Variants in RAB6B observed in about 807,000 individuals in gnomAD.
RAB6B encodes RAB6B, member RAS oncogene family.
Under a neutral mutation model 31.2 loss-of-function variants are expected in RAB6B, and 7 were observed. The observed-to-expected ratio is 0.22, with a 90% CI of 0.13 to 0.42. The LOEUF is 0.42. Ranked by LOEUF, RAB6B falls within the 10% of genes least tolerant of loss-of-function variation. The pLI, the probability that RAB6B is intolerant of heterozygous loss-of-function variation, is 1.00. For synonymous variants in RAB6B, 105 were observed against 104.9 expected, an observed-to-expected ratio of 1.00 and a Z score of -0.01; for missense variants, 149 against 280.6, an observed-to-expected ratio of 0.53 and a Z score of 3.35.
At chr3:133,831,689 G>A (rs1229234056) in intron 7 of RAB6B, among the ~76,000 whole-genome samples, 3 of 152,186 alleles carry the variant, frequency 2.0e-5, no homozygotes, top group East Asian at 1.9e-4. Flanking sequence ...GGAAACTCAC[G>A]GTTTCTCACA....
At chr3:133,850,558 C>A (rs1290821037) in intron 2 of RAB6B, among the ~76,000 whole-genome samples, 1 of 151,532 alleles carries the variant, frequency 6.6e-6, no homozygotes, top group East Asian at 1.9e-4. Flanking sequence ...ACAACAGATT[C>A]AAAAAGAGAA....
intron 3 of RAB6B, 73 bp from the exon 4 acceptor site, chr3:133,841,463 G>C: frequency 1.3e-6 from 2 of 1,548,894 alleles, no homozygotes; most frequent in Non-Finnish European, 1.8e-6. Context: ...CCGGGGGACT[G>C]GGAGAGCCGG....
Position 133,851,780 on chromosome 3 carries a change from G to A in RAB6B, c.130-10117C>T, listed in dbSNP as rs537972669. Among the ~76,000 whole-genome samples the A allele has an allele frequency of 3.2e-4, 48 of 152,326 alleles. No homozygotes were observed. In the South Asian group the frequency reaches 8.9e-3, roughly 28 times the overall value. On this transcript the variant is annotated intron_variant, in intron 2 of 7. Coordinates refer to ENST00000285208, the MANE Select transcript of RAB6B (RefSeq NM_016577.4). ...GCCTGAGGTCCCATAGCAAGTCAGC[G>A]AGGTCACAGGAACTAATTTGCATCT...
At chr3:133,834,478 C>A in intron 7 of RAB6B, 97 bp downstream of exon 7, 1 of 1,333,756 alleles carries the variant, frequency 7.5e-7, no homozygotes. Context: ...GAAGGCTGGG[C>A]GGGGACTGGG....
In RAB6B at chr3:133,895,349, G is replaced by A. The variant is rs757436921; in HGVS notation, c.70+48C>T. 7 of 1,586,950 alleles carry A rather than the reference G, an allele frequency of 4.4e-6. No individual in the cohort carries two copies. The South Asian group carries it at 5.6e-5, about 13-fold the overall frequency. On this transcript the variant is annotated intron_variant, in intron 1 of 7. Transcript: ENST00000285208. ...TCCCAATGGGGTGGGCGATTGGGCG[G>A]CGGGGGTCGACTCGGCGACAAGCCA...
At chr3:133,837,553 C>T (rs959487652) in intron 6 of RAB6B, among the ~76,000 whole-genome samples, 9 of 152,170 alleles carry the variant, frequency 5.9e-5, no homozygotes, top group South Asian at 2.1e-4. Context: ...GTGCTACGGA[C>T]GGGTCAGTGG....
intron 5 of RAB6B, 41 bp downstream of exon 5, chr3:133,839,465 G>C (rs1935790021): frequency 6.6e-7 from 1 of 1,509,630 alleles, no homozygotes. Context: ...TTACAGAGGA[G>C]TGGAGGGTGG....
intron 6 of RAB6B, among the ~76,000 whole-genome samples, chr3:133,836,859 G>C (rs948829561): frequency 6.6e-6 from 1 of 152,180 alleles, no homozygotes; most frequent in African/African-American, 2.4e-5. Context: ...GGGGCCCCCA[G>C]TGTCACATAG....
rs1936699580 is a variant in RAB6B, at chr3:133,895,643, C to T, written c.-177G>A. 4 of 620,470 alleles carry T rather than the reference C, an allele frequency of 6.4e-6. No individual in the cohort carries two copies. The South Asian group carries it at 8.0e-5, about 12-fold the overall frequency. 38.4% of individuals were successfully genotyped at this position (620,470 alleles called of 1,614,324 possible). ...CGGTCCCGGCCTGCGGCTGCGTGTC[C>T]GGCGGCGGAGGAGGAGGAGGAGAGA... On this transcript the variant is annotated 5_prime_UTR_variant, in exon 1 of 8. Transcript: ENST00000285208.
chr3:133,877,719 G>C (rs1936415450), intron 1 of RAB6B, among the ~76,000 whole-genome samples: 3 of 149,436 alleles, frequency 2.0e-5, no homozygotes. Flanking sequence ...AGCAGATAAA[G>C]ATATTAAGAA....
intron 7 of RAB6B, among the ~76,000 whole-genome samples, chr3:133,831,600 G>A (rs949366039): frequency 2.0e-5 from 3 of 152,234 alleles, no homozygotes; most frequent in Admixed American, 6.5e-5. Context: ...CTGCTGAAAT[G>A]CAGTGCTCAG....
rs371606662 is a variant in RAB6B at position 133,876,451 on chromosome 3, TTCTC to T, written c.71-11813_71-11810del. 3.5e-3 allele frequency among the ~76,000 whole-genome samples: 531 copies of T among 152,290 alleles called. 2 individuals carry two copies. The highest frequency in any genetic ancestry group is 0.012 in the African/African-American group (506 of 41,552). On this transcript the variant is annotated intron_variant, in intron 1 of 7. Transcript: ENST00000285208. ...CTCAAATCTGCTGTATAGAGAGAGTTTCTCTCTCTTATTCACAACTACAAATGCT... is the reference window on the plus strand; with the variant it reads ...CTCAAATCTGCTGTATAGAGAGAGTTTCTCTTATTCACAACTACAAATGCT...
chr3:133,849,296 G>C (rs566366341), intron 2 of RAB6B, among the ~76,000 whole-genome samples: 2 of 152,158 alleles, frequency 1.3e-5, no homozygotes, highest in Non-Finnish European at 2.9e-5. Context: ...TGTAGCCCAC[G>C]AGTCATGTGC....
chr3:133,830,016 G>A (rs1935633273), intron 7 of RAB6B, among the ~76,000 whole-genome samples: 1 of 152,124 alleles, frequency 6.6e-6, no homozygotes, highest in Non-Finnish European at 1.5e-5. Context: ...TAGATACTAA[G>A]CCAGTGCCTT....
At chr3:133,885,011 TC>T (rs1936522499) in intron 1 of RAB6B, among the ~76,000 whole-genome samples, 1 of 118,434 alleles carries the variant, frequency 8.4e-6, no homozygotes, top group Non-Finnish European at 1.7e-5. Flanking sequence ...GGCTCATATA[TC>T]CCAATAACCA....
At chr3:133,829,441 T>A (rs372495807) in intron 7 of RAB6B, among the ~76,000 whole-genome samples, 30 of 152,290 alleles carry the variant, frequency 2.0e-4, no homozygotes, top group African/African-American at 7.0e-4. Flanking sequence ...GAAGCACTTA[T>A]CAGAACCACC....
chr3:133,866,858 T>C (rs1936244035), intron 1 of RAB6B, among the ~76,000 whole-genome samples: 1 of 152,186 alleles, frequency 6.6e-6, no homozygotes, highest in Non-Finnish European at 1.5e-5. Context: ...AAGAGAGGCA[T>C]CCCAGGGCAC....
chr3:133,841,688 T>C, intron 2 of RAB6B, 25 bp from the exon 3 acceptor site: 1 of 1,611,994 alleles, frequency 6.2e-7, no homozygotes, highest in South Asian at 1.1e-5. Context: ...CACAGAACGG[T>C]CAAAATCAAA....
intron 1 of RAB6B, among the ~76,000 whole-genome samples, chr3:133,889,442 ATATT>A (rs1559915529): frequency 4.6e-5 from 4 of 87,816 alleles, no homozygotes; most frequent in Admixed American, 2.6e-4. Context: ...ATATATATAT[ATATT>A]TATTTTGGGA....
Sources: allele counts gnomAD v4.1 joint callset (sites outside exome capture counted in the v4.1 genomes callset), GRCh38; gene constraint gnomAD v4.1.1; transcripts MANE v1.5; gene names NCBI Gene and HGNC (gene_info 2026-07-23, HGNC 2026-07-21).